Variants in BBS9 observed in about 807,000 individuals in gnomAD.
BBS9 encodes the protein protein PTHB1.
A neutral mutation model predicts 117.7 loss-of-function variants in BBS9; 89 were observed. The observed-to-expected ratio is 0.76, with a 90% CI of 0.64 to 0.90. The LOEUF is 0.90. BBS9 is among the 40% of genes least tolerant of loss of function. The pLI is 0.00. For missense variants in BBS9, 982 were observed against 1,042.2 expected, an observed-to-expected ratio of 0.94 and a Z score of 0.80; for synonymous variants, 379 against 370.9, an observed-to-expected ratio of 1.02 and a Z score of -0.25.
intron 6 of BBS9, among the ~76,000 whole-genome samples, chr7:33,257,643 C>G (rs955666686): frequency 1.3e-5 from 2 of 152,064 alleles, no homozygotes; most frequent in Admixed American, 1.3e-4. Flanking sequence ...TTTTACCACT[C>G]CAGATGTTTG....
intron 4 of BBS9, among the ~76,000 whole-genome samples, chr7:33,155,909 A>G (rs1480263469): frequency 6.6e-6 from 1 of 152,082 alleles, no homozygotes; most frequent in Non-Finnish European, 1.5e-5. Flanking sequence ...ATTTCTGTGT[A>G]TATGTATCTT....
At chr7:33,179,936 T>G (rs1280649220) in intron 5 of BBS9, among the ~76,000 whole-genome samples, 1 of 152,222 alleles carries the variant, frequency 6.6e-6, no homozygotes, top group Non-Finnish European at 1.5e-5. Context: ...TCCTTCATTT[T>G]AAAGCTTAAC....
At chr7:33,140,176 C>T (rs1407879887) in intron 1 of BBS9, among the ~76,000 whole-genome samples, 1 of 152,130 alleles carries the variant, frequency 6.6e-6, no homozygotes, top group Admixed American at 6.5e-5. Flanking sequence ...AGGCACCCGC[C>T]ACCACACCCG....
chr7:33,356,697 C>T (rs986604136), intron 15 of BBS9, among the ~76,000 whole-genome samples: 1 of 151,776 alleles, frequency 6.6e-6, no homozygotes, highest in African/African-American at 2.4e-5. Flanking sequence ...AAAGTGTACT[C>T]CCAGCTTGGA....
chr7:33,533,627 A>G (rs1850922820), intron 20 of BBS9: 2 of 356,412 alleles, frequency 5.6e-6, no homozygotes, highest in South Asian at 6.2e-5. Context: ...CGTGTGCCTG[A>G]TACTCTTTTT....
At chr7:33,491,061 A>G (rs1023807108) in intron 19 of BBS9, among the ~76,000 whole-genome samples, 2 of 152,164 alleles carry the variant, frequency 1.3e-5, no homozygotes, top group African/African-American at 4.8e-5. Flanking sequence ...TGCTTGGCCT[A>G]TAGTAGGTCC....
chr7:33,167,664 G>T (rs1583436008), intron 4 of BBS9, among the ~76,000 whole-genome samples: 2 of 152,062 alleles, frequency 1.3e-5, no homozygotes, highest in African/African-American at 4.8e-5. Context: ...CTCCCAAAGT[G>T]CTGGGAGTAC....
chr7:33,528,459 T>C (rs1202063254), intron 20 of BBS9, among the ~76,000 whole-genome samples: 1 of 152,216 alleles, frequency 6.6e-6, no homozygotes, highest in Admixed American at 6.5e-5. Context: ...AAGGATGTGG[T>C]AGTGTTTCTA....
chr7:33,279,198 C>T (rs954035502), intron 9 of BBS9, among the ~76,000 whole-genome samples: 1 of 152,046 alleles, frequency 6.6e-6, no homozygotes, highest in Admixed American at 6.6e-5. Flanking sequence ...GTCTCAGCCT[C>T]CTGAGTAGCT....
At chr7:33,288,252 A>T (rs116180176) in intron 9 of BBS9, among the ~76,000 whole-genome samples, 1 of 152,106 alleles carries the variant, frequency 6.6e-6, no homozygotes, top group South Asian at 2.1e-4. Flanking sequence ...CTCCCTGTTC[A>T]TGGTGGAGAG....
At chr7:33,169,363 C>G (rs1796172525) in intron 4 of BBS9, among the ~76,000 whole-genome samples, 1 of 151,392 alleles carries the variant, frequency 6.6e-6, no homozygotes, top group Admixed American at 6.6e-5. Flanking sequence ...ATTTCTAGTT[C>G]TAGATCCCTG....
At chr7:33,252,011 G>A (rs1042464306) in intron 5 of BBS9, among the ~76,000 whole-genome samples, 7 of 152,144 alleles carry the variant, frequency 4.6e-5, no homozygotes, top group Non-Finnish European at 1.0e-4. Context: ...TGTACAGGAA[G>A]CATGATGCTG....
chr7:33,605,307 T>C lies in BBS9; in HGVS notation c.*81T>C, dbSNP rs1365756676. 6.2e-6 allele frequency: 9 copies of C among 1,446,344 alleles called. No homozygotes were observed. Among genetic ancestry groups the C allele is most frequent in the South Asian group, 4.6e-5 (4 of 87,616 alleles). 89.6% of individuals were successfully genotyped at this position (1,446,344 alleles called of 1,614,324 possible). The stretch of plus-strand genomic sequence containing the variant: ...GTGAACCTCATGCCAAGCACAGATA[T>C]AGGGCTGGCGCAGGTGCTTCCTAAA... On this transcript the variant is annotated 3_prime_UTR_variant, in exon 23 of 23. Coordinates refer to ENST00000242067, the MANE Select transcript of BBS9 (RefSeq NM_198428.3).
chr7:33,306,279 T>C (rs1807929018), intron 9 of BBS9, among the ~76,000 whole-genome samples: 1 of 152,024 alleles, frequency 6.6e-6, no homozygotes. Context: ...TTTCAATTTT[T>C]TGAATGTTTT....
intron 20 of BBS9, among the ~76,000 whole-genome samples, chr7:33,514,477 A>G (rs1847433234): frequency 6.6e-6 from 1 of 152,180 alleles, no homozygotes; most frequent in African/African-American, 2.4e-5. Flanking sequence ...TGAGGTGCTC[A>G]GAACCACAGG....
At chr7:33,463,163 G>A (rs1042828709) in intron 19 of BBS9, among the ~76,000 whole-genome samples, 3 of 152,046 alleles carry the variant, frequency 2.0e-5, no homozygotes, top group Non-Finnish European at 4.4e-5. Context: ...AGTTATCACT[G>A]CCAGAGGATT....
chr7:33,191,075 C>A (rs543136047), intron 5 of BBS9, among the ~76,000 whole-genome samples: 1 of 152,242 alleles, frequency 6.6e-6, no homozygotes, highest in South Asian at 2.1e-4. Flanking sequence ...CCAGAAGGGG[C>A]AGAGGTCAGG....
intron 16 of BBS9, among the ~76,000 whole-genome samples, chr7:33,363,835 T>C (rs1010660280): frequency 1.1e-4 from 17 of 152,226 alleles, no homozygotes; most frequent in African/African-American, 3.1e-4. Flanking sequence ...TGATTAAATA[T>C]GGTGGATTAC....
chr7:33,575,825 T>C (rs971629796), intron 21 of BBS9, among the ~76,000 whole-genome samples: 3 of 152,088 alleles, frequency 2.0e-5, no homozygotes, highest in Non-Finnish European at 2.9e-5. Flanking sequence ...TCTCAATAGA[T>C]GTAGAAAAGG....
Sources: gnomAD v4.1 joint callset for allele counts (sites outside exome capture counted in the v4.1 genomes callset) on GRCh38, gnomAD v4.1.1 for gene constraint, MANE v1.5 for transcripts, NCBI Gene and HGNC (gene_info 2026-07-23, HGNC 2026-07-21) for gene names.